TANC2: variants seen among roughly 807,000 people sequenced by gnomAD.
The protein encoded by TANC2 is protein TANC2.
A neutral mutation model predicts 210.5 loss-of-function variants in TANC2; 26 were observed. The ratio of observed to expected loss-of-function variants is 0.12; its 90% CI spans 0.09 to 0.17. TANC2 has a LOEUF of 0.17. TANC2 is among the 10% of genes least tolerant of loss of function. The pLI is 1.00. For synonymous variants in TANC2, 931 were observed against 967.1 expected, an observed-to-expected ratio of 0.96 and a Z score of 0.69; for missense variants, 2,129 against 2,608.9, an observed-to-expected ratio of 0.82 and a Z score of 4.01.
chr17:63,303,938 A>G (rs991459171), intron 9 of TANC2, among the ~76,000 whole-genome samples: 1 of 151,870 alleles, frequency 6.6e-6, no homozygotes, highest in African/African-American at 2.4e-5. Flanking sequence ...CAGCTCCATC[A>G]GGTCATTTAT....
Position 63,421,664 on chromosome 17 carries a change from A to C in TANC2, c.5934A>C (p.Pro1978=). Reference sequence around the variant, plus strand: ...CTCAGCCTGAGTCCTTCAGTCCACCATCATCCATCAGCAACATTGCCTTTT... The same window carrying C: ...CTCAGCCTGAGTCCTTCAGTCCACCCTCATCCATCAGCAACATTGCCTTTT... The change falls in exon 28 of 28, where the codon CCA becomes CCC. Residue 1978 remains proline, a synonymous_variant. Coordinates refer to ENST00000689528, the Ensembl canonical transcript of TANC2. This position sits in a 1 kb window ranked among gnomAD's most constrained non-coding sequence, Gnocchi z 6.9. The C allele has an allele frequency of 6.2e-7, 1 of 1,614,022 alleles. No individual in the cohort carries two copies. Among genetic ancestry groups the C allele is most frequent in the Non-Finnish European group, 8.5e-7 (1 of 1,179,874 alleles).
intron 2 of TANC2, among the ~76,000 whole-genome samples, chr17:63,036,949 G>A (rs1181056868): frequency 6.7e-6 from 1 of 149,978 alleles, no homozygotes; most frequent in Non-Finnish European, 1.5e-5. Flanking sequence ...GGATAACACC[G>A]AACCCTATAT....
chr17:63,011,673 C>T (rs574803036), intron 2 of TANC2, among the ~76,000 whole-genome samples: 12 of 152,096 alleles, frequency 7.9e-5, no homozygotes, highest in African/African-American at 2.9e-4. Flanking sequence ...CTATGAAATG[C>T]CTCTCTTTAT....
At chr17:63,139,960 G>T (rs922082882) in intron 4 of TANC2, among the ~76,000 whole-genome samples, 14 of 152,016 alleles carry the variant, frequency 9.2e-5, no homozygotes, top group Non-Finnish European at 1.8e-4. Context: ...CATTCATTTG[G>T]TATAGGATTT....
At chr17:63,314,806 G>C in intron 10 of TANC2, 137 bp downstream of exon 10, 1 of 1,136,680 alleles carries the variant, frequency 8.8e-7, no homozygotes, top group Non-Finnish European at 1.2e-6. Context: ...CATTTAGGTT[G>C]AGAGAAAGAT....
chr17:63,037,205 C>T (rs8068079), intron 2 of TANC2, among the ~76,000 whole-genome samples: 9,735 of 152,042 alleles, frequency 0.064, 383 homozygotes, highest in African/African-American at 0.12. Flanking sequence ...AAACGACTAA[C>T]GGGCATGTAG....
chr17:63,264,603 T>A lies in TANC2; in HGVS notation c.1034-3145T>A, dbSNP rs185775586. 2.6e-5 allele frequency among the ~76,000 whole-genome samples: 4 copies of A among 152,186 alleles called. No homozygotes were observed. The East Asian group carries it at 5.8e-4, about 22-fold the overall frequency. The stretch of plus-strand genomic sequence containing the variant: ...TATTAAACTTATTTAATTGAGTAAT[T>A]TGGGGAGATGGTATAAAGTTAAAAG... On this transcript the variant is annotated intron_variant, in intron 8 of 27. Coordinates refer to ENST00000689528, the Ensembl canonical transcript of TANC2.
At chr17:63,056,665 C>T (rs918381794) in intron 2 of TANC2, among the ~76,000 whole-genome samples, 9 of 152,012 alleles carry the variant, frequency 5.9e-5, no homozygotes, top group South Asian at 2.1e-4. Context: ...GGTGACAGAG[C>T]GAAACCCTGT....
chr17:63,001,580 T>TA (rs2033388579), intron 1 of TANC2, among the ~76,000 whole-genome samples: 1 of 150,766 alleles, frequency 6.6e-6, no homozygotes, highest in Admixed American at 6.6e-5. Flanking sequence ...CAAGATGGAG[T>TA]CTCCCTCTGT....
intron 4 of TANC2, chr17:63,130,947 T>C (rs1399641726): frequency 1.3e-5 from 2 of 152,236 alleles, no homozygotes; most frequent in African/African-American, 4.8e-5. Context: ...ACATTAACTT[T>C]ATTCCTTCAG....
At chr17:63,318,696 T>G (rs1389624075) in intron 10 of TANC2, among the ~76,000 whole-genome samples, 1 of 152,216 alleles carries the variant, frequency 6.6e-6, no homozygotes, top group Non-Finnish European at 1.5e-5. Flanking sequence ...TTTTTATTGT[T>G]AGTAGTCTAT....
chr17:62,972,916 G>A (rs78803300), intron 1 of TANC2, among the ~76,000 whole-genome samples: 19 of 152,070 alleles, frequency 1.2e-4, no homozygotes, highest in Non-Finnish European at 2.2e-4. Context: ...GCCATCATGC[G>A]TTAGCCCAAT....
At chr17:63,422,558 A>G (rs1031523797) in exon 28 of TANC2, 1 of 152,326 alleles carries the variant, frequency 6.6e-6, no homozygotes, top group Non-Finnish European at 1.5e-5. Flanking sequence ...TAAGTGCTAA[A>G]TTGGAAGAAA....
intron 1 of TANC2, among the ~76,000 whole-genome samples, chr17:62,970,678 C>T (rs1044545732): frequency 6.6e-6 from 1 of 152,108 alleles, no homozygotes; most frequent in African/African-American, 2.4e-5. Flanking sequence ...GCATGAAAAT[C>T]CTCTCCTTGT....
intron 9 of TANC2, among the ~76,000 whole-genome samples, chr17:63,300,507 A>T (rs970732518): frequency 6.6e-6 from 1 of 152,018 alleles, no homozygotes; most frequent in East Asian, 1.9e-4. Flanking sequence ...TGTTAGCTAT[A>T]TTCCTAGGTA....
In TANC2 at chr17:63,185,870, A is replaced by G. The variant is rs751031599; in HGVS notation, c.434-8121A>G. Among the ~76,000 whole-genome samples, 24 of 152,100 alleles carry G rather than the reference A, an allele frequency of 1.6e-4. 1 individual carries two copies. Among genetic ancestry groups the G allele is most frequent in the Admixed American group, 7.9e-4 (12 of 15,274 alleles). ...TCTTTCTTGTTGATTTGTAGTAGTT[A>G]TCTCACTCTATGGCTTGCCCTTTTA... On this transcript the variant is annotated intron_variant, in intron 5 of 27. Transcript: ENST00000689528.
intron 7 of TANC2, among the ~76,000 whole-genome samples, chr17:63,208,322 CT>C: frequency 6.6e-6 from 1 of 152,230 alleles, no homozygotes; most frequent in Non-Finnish European, 1.5e-5. Context: ...ATGTCTAGGT[CT>C]TTTTCTGAGC....
intron 14 of TANC2, among the ~76,000 whole-genome samples, chr17:63,372,849 A>G (rs1464769513): frequency 6.7e-6 from 1 of 148,456 alleles, no homozygotes; most frequent in Non-Finnish European, 1.5e-5. Flanking sequence ...CATGGCCTTT[A>G]TGACCATATC....
intron 7 of TANC2, among the ~76,000 whole-genome samples, chr17:63,221,860 A>C (rs2042201571): frequency 6.6e-6 from 1 of 152,200 alleles, no homozygotes; most frequent in African/African-American, 2.4e-5. Context: ...AAAGTTCAAC[A>C]AAAATCTGCC....
Sources: allele counts gnomAD v4.1 joint callset (sites outside exome capture counted in the v4.1 genomes callset), GRCh38; gene constraint gnomAD v4.1.1; non-coding constraint Gnocchi (gnomAD v3.1); transcripts MANE v1.5; gene names NCBI Gene and HGNC (gene_info 2026-07-23, HGNC 2026-07-21).